SNX29: variants seen among roughly 807,000 people sequenced by gnomAD.
SNX29 encodes the protein sorting nexin-29.
A neutral mutation model predicts 102.1 loss-of-function variants in SNX29; 78 were observed. That is an observed-to-expected ratio of 0.76 (90% CI 0.64 to 0.92). The LOEUF (loss-of-function observed/expected upper bound fraction) is 0.92, where lower values mean the gene tolerates loss of function less well. SNX29 is among the 40% of genes least tolerant of loss of function. The pLI is 0.00. For synonymous variants in SNX29, 580 were observed against 414.5 expected, an observed-to-expected ratio of 1.40 and a Z score of -4.85; for missense variants, 1,280 against 1,061.7, an observed-to-expected ratio of 1.21 and a Z score of -2.86.
At chr16:12,188,364 G>A (rs1416685712) in intron 13 of SNX29, among the ~76,000 whole-genome samples, 3 of 152,182 alleles carry the variant, frequency 2.0e-5, no homozygotes, top group East Asian at 1.9e-4. Flanking sequence ...AAGCATTCCC[G>A]TCAGGGCTGT....
intron 18 of SNX29, among the ~76,000 whole-genome samples, chr16:12,415,233 A>T (rs1484033015): frequency 6.6e-6 from 1 of 152,242 alleles, no homozygotes; most frequent in Non-Finnish European, 1.5e-5. Flanking sequence ...TCCTTTCTGC[A>T]AGGTATAAGC....
At chr16:12,052,527 C>G in intron 8 of SNX29, 1 of 340,114 alleles carries the variant, frequency 2.9e-6, no homozygotes, top group East Asian at 7.0e-5. Flanking sequence ...TTCCCTTGCA[C>G]TTTTAATGAG....
At chr16:12,182,137 T>G (rs1011268094) in intron 13 of SNX29, among the ~76,000 whole-genome samples, 1 of 151,916 alleles carries the variant, frequency 6.6e-6, no homozygotes, top group Non-Finnish European at 1.5e-5. Context: ...CCTACCTGTT[T>G]CGGTCTCCCA....
chr16:12,327,725 C>T (rs1000450112), intron 15 of SNX29, among the ~76,000 whole-genome samples: 10 of 127,360 alleles, frequency 7.9e-5, no homozygotes, highest in East Asian at 2.9e-4. Flanking sequence ...GAAACAGAGC[C>T]GGAGAGAGAC....
chr16:12,167,839 G>C (rs1196023429), intron 13 of SNX29, among the ~76,000 whole-genome samples: 3 of 152,218 alleles, frequency 2.0e-5, no homozygotes, highest in African/African-American at 7.2e-5. Flanking sequence ...TCGTGAATAA[G>C]GTGTTATTGT....
intron 18 of SNX29, among the ~76,000 whole-genome samples, chr16:12,461,129 G>A (rs1471552736): frequency 6.6e-6 from 1 of 152,176 alleles, no homozygotes. Flanking sequence ...ATTACTGAAG[G>A]TCATACAACT....
intron 20 of SNX29, among the ~76,000 whole-genome samples, chr16:12,530,763 C>T (rs1005107586): frequency 6.6e-6 from 1 of 152,082 alleles, no homozygotes; most frequent in Non-Finnish European, 1.5e-5. Context: ...TTCATGTTGG[C>T]CAGGAGTGTC....
At chr16:12,568,234 G>T (rs945343353) in intron 20 of SNX29, among the ~76,000 whole-genome samples, 4 of 151,364 alleles carry the variant, frequency 2.6e-5, no homozygotes, top group Non-Finnish European at 5.9e-5. Context: ...TTAAAATGTA[G>T]ACCGGAACGG....
At chr16:12,120,270 G>A (rs554047242) in intron 11 of SNX29, among the ~76,000 whole-genome samples, 21 of 152,336 alleles carry the variant, frequency 1.4e-4, no homozygotes, top group African/African-American at 5.1e-4. Context: ...ATTTGTGCAT[G>A]TGCCCTCATG....
At chr16:12,025,210 G>T (rs1489297019) in intron 3 of SNX29, among the ~76,000 whole-genome samples, 1 of 147,026 alleles carries the variant, frequency 6.8e-6, no homozygotes, top group Non-Finnish European at 1.5e-5. Flanking sequence ...GCTGAGGCAG[G>T]AGAATCGCTT....
At chr16:12,376,889 T>A (rs1297529342) in intron 16 of SNX29, among the ~76,000 whole-genome samples, 2 of 152,172 alleles carry the variant, frequency 1.3e-5, no homozygotes, top group Non-Finnish European at 2.9e-5. Context: ...TTGTCTCACA[T>A]GTCTGTAATT....
chr16:12,363,110 G>A (rs2082353754), intron 16 of SNX29, among the ~76,000 whole-genome samples: 1 of 152,214 alleles, frequency 6.6e-6, no homozygotes, highest in African/African-American at 2.4e-5. Flanking sequence ...CCAGAAGGGA[G>A]GAGCAAGTAA....
chr16:12,554,868 C>G lies in SNX29; in HGVS notation c.2319-13638C>G, dbSNP rs558169876. Among the ~76,000 whole-genome samples, 5 of 152,150 alleles carry G rather than the reference C, an allele frequency of 3.3e-5. No homozygotes were observed. In the East Asian group the frequency reaches 7.7e-4, roughly 24 times the overall value. ...GTGCCAGGGTGCTCAGGAAAGAGGA[C>G]AAAGATATGTCAGCATGCCATACAG... is the stretch of plus-strand genomic sequence containing the variant. On this transcript the variant is annotated intron_variant, in intron 20 of 20. Transcript: ENST00000566228.
At chr16:12,274,281 T>G (rs1216264997) in intron 14 of SNX29, among the ~76,000 whole-genome samples, 4 of 152,220 alleles carry the variant, frequency 2.6e-5, no homozygotes, top group African/African-American at 9.6e-5. Context: ...CTATGCCATT[T>G]CTAGTTTTTA....
intron 19 of SNX29, among the ~76,000 whole-genome samples, chr16:12,483,243 AG>A (rs2088054887): frequency 6.8e-6 from 1 of 146,562 alleles, no homozygotes; most frequent in Non-Finnish European, 1.5e-5. Flanking sequence ...TCATGACCTC[AG>A]GTGATCCGCC....
At chr16:12,383,054 T>A (rs1208872871) in intron 16 of SNX29, among the ~76,000 whole-genome samples, 2 of 152,194 alleles carry the variant, frequency 1.3e-5, no homozygotes, top group Admixed American at 6.5e-5. Context: ...CTACTACAGC[T>A]GCTATTATTT....
intron 18 of SNX29, among the ~76,000 whole-genome samples, chr16:12,431,807 G>A (rs1028619908): frequency 6.6e-6 from 1 of 152,330 alleles, no homozygotes; most frequent in South Asian, 2.1e-4. Context: ...TAATGCTCAC[G>A]ACATAGCTTT....
chr16:12,540,233 G>T (rs2077267828), intron 20 of SNX29, among the ~76,000 whole-genome samples: 1 of 152,146 alleles, frequency 6.6e-6, no homozygotes, highest in African/African-American at 2.4e-5. Context: ...TCCTGTGGCT[G>T]ACCCGCTCCC....
chr16:12,142,738 G>A (rs967959717), intron 13 of SNX29, among the ~76,000 whole-genome samples: 2 of 151,528 alleles, frequency 1.3e-5, no homozygotes, highest in African/African-American at 4.8e-5. Flanking sequence ...TAATTTTTTT[G>A]TATTTTTAGT....
Sources: allele counts gnomAD v4.1 joint callset (sites outside exome capture counted in the v4.1 genomes callset), GRCh38; gene constraint gnomAD v4.1.1; transcripts MANE v1.5; gene names NCBI Gene and HGNC (gene_info 2026-07-23, HGNC 2026-07-21).